The following LRRFIP2 variants were observed in gnomAD, a reference collection of about 807,000 sequenced individuals.
LRRFIP2 encodes leucine-rich repeat flightless-interacting protein 2.
Under a neutral mutation model 125.9 loss-of-function variants are expected in LRRFIP2, and 109 were observed. The ratio of observed to expected loss-of-function variants is 0.87; its 90% CI spans 0.74 to 1.01. The LOEUF is 1.01. LRRFIP2 is among the 50% of genes least tolerant of loss of function. The pLI, the probability that LRRFIP2 is intolerant of heterozygous loss-of-function variation, is 0.00. For synonymous variants in LRRFIP2, 291 were observed against 293.1 expected (o/e 0.99, Z 0.07); for missense variants, 850 against 862.3 (o/e 0.99, Z 0.18).
intron 1 of LRRFIP2, among the ~76,000 whole-genome samples, chr3:37,167,361 C>A (rs1236771620): frequency 1.3e-5 from 2 of 151,818 alleles, no homozygotes. Context: ...GAAAACAGGG[C>A]CAGGCACAAG....
intron 2 of LRRFIP2, among the ~76,000 whole-genome samples, chr3:37,130,636 G>C (rs1038196540): frequency 3.9e-5 from 6 of 152,186 alleles, no homozygotes; most frequent in African/African-American, 1.4e-4. Flanking sequence ...TGAGTAGTAT[G>C]ATAAAATCTC....
At chr3:37,106,310 A>C (rs894873945) in intron 13 of LRRFIP2, among the ~76,000 whole-genome samples, 1 of 152,228 alleles carries the variant, frequency 6.6e-6, no homozygotes, top group African/African-American at 2.4e-5. Flanking sequence ...CTATGCAGCT[A>C]GTGGAGATGT....
At chr3:37,085,629 T>G (rs538858085) in intron 18 of LRRFIP2, among the ~76,000 whole-genome samples, 85 of 150,480 alleles carry the variant, frequency 5.6e-4, no homozygotes, top group African/African-American at 1.9e-3. Flanking sequence ...TTGCCCGGGC[T>G]GGAGTGCAAT....
intron 1 of LRRFIP2, among the ~76,000 whole-genome samples, chr3:37,153,982 G>C (rs1460052144): frequency 7.0e-6 from 1 of 142,296 alleles, no homozygotes; most frequent in Non-Finnish European, 1.5e-5. Flanking sequence ...AAAATGACCA[G>C]ACTAGGCAAC....
intron 18 of LRRFIP2, among the ~76,000 whole-genome samples, chr3:37,084,794 G>A (rs534647894): frequency 3.3e-5 from 5 of 152,012 alleles, no homozygotes; most frequent in African/African-American, 9.6e-5. Context: ...TAGCTTACAT[G>A]TTTTTTTGTG....
chr3:37,105,385 G>C, intron 14 of LRRFIP2, 70 bp downstream of exon 14: 1 of 1,257,956 alleles, frequency 7.9e-7, no homozygotes, highest in Non-Finnish European at 1.2e-6. Flanking sequence ...CTTTCCAACA[G>C]ACTTCATGTG....
At chr3:37,069,642 G>A (rs889535469) in intron 21 of LRRFIP2, among the ~76,000 whole-genome samples, 1 of 152,102 alleles carries the variant, frequency 6.6e-6, no homozygotes, top group African/African-American at 2.4e-5. Flanking sequence ...GGTGACAGTA[G>A]CACAACAACA....
At chr3:37,102,886 G>A (rs1475060883) in intron 15 of LRRFIP2, 38 bp downstream of exon 15, 4 of 1,345,340 alleles carry the variant, frequency 3.0e-6, no homozygotes, top group Middle Eastern at 3.6e-4. Context: ...TCACAAGCCT[G>A]GGACAACATA....
chr3:37,157,767 T>C (rs542467146), intron 1 of LRRFIP2, among the ~76,000 whole-genome samples: 2 of 152,080 alleles, frequency 1.3e-5, no homozygotes, highest in Admixed American at 6.5e-5. Context: ...GAAAGGCAAA[T>C]GCTAAACACA....
intron 7 of LRRFIP2, among the ~76,000 whole-genome samples, chr3:37,114,040 G>C (rs908696518): frequency 1.2e-4 from 19 of 152,016 alleles, no homozygotes; most frequent in African/African-American, 4.1e-4. Flanking sequence ...AAAGGCAACA[G>C]ACTGCTCTAG....
chr3:37,131,619 T>C (rs1203111485), intron 2 of LRRFIP2, among the ~76,000 whole-genome samples: 1 of 152,240 alleles, frequency 6.6e-6, no homozygotes, highest in Non-Finnish European at 1.5e-5. Context: ...CTGATAACTA[T>C]AGTTGTTGTC....
At chr3:37,146,952 T>C (rs959235019) in intron 2 of LRRFIP2, among the ~76,000 whole-genome samples, 1 of 152,162 alleles carries the variant, frequency 6.6e-6, no homozygotes, top group African/African-American at 2.4e-5. Context: ...GAGAAAATTT[T>C]TGCAATCTAT....
intron 19 of LRRFIP2, among the ~76,000 whole-genome samples, chr3:37,082,193 A>C (rs1287214558): frequency 6.6e-6 from 1 of 152,160 alleles, no homozygotes; most frequent in Non-Finnish European, 1.5e-5. Context: ...CAGAGGCTCT[A>C]GGAAAAGCAT....
chr3:37,166,561 A>T (rs150061777), intron 1 of LRRFIP2, among the ~76,000 whole-genome samples: 26 of 152,294 alleles, frequency 1.7e-4, no homozygotes, highest in African/African-American at 6.3e-4. Context: ...AAATGGTCAC[A>T]TGAAAAGATG....
intron 2 of LRRFIP2, among the ~76,000 whole-genome samples, chr3:37,139,524 G>C (rs4678938): frequency 0.42 from 63,390 of 151,792 alleles, 13,830 homozygotes; most frequent in Non-Finnish European, 0.46. Context: ...GAAGGCATTC[G>C]CTTCACACCC....
chr3:37,107,423 A>G (rs2094382663), intron 13 of LRRFIP2, among the ~76,000 whole-genome samples: 1 of 152,194 alleles, frequency 6.6e-6, no homozygotes, highest in South Asian at 2.1e-4. Context: ...GAGGAGCAGT[A>G]TGTAATATGA....
rs191333526 is a variant in LRRFIP2 at position 37,099,256 on chromosome 3, A to G, written c.874-2596T>C. On this transcript the variant is annotated intron_variant, in intron 15 of 27. Coordinates refer to ENST00000336686, the MANE Select transcript of LRRFIP2 (RefSeq NM_006309.4). ...TGTGCTATCTTCCATTTAGACAAAA[A>G]CCTAGCTGAAACTTGGTATTCTAAA... Among the ~76,000 whole-genome samples the G allele has an allele frequency of 7.7e-4, 118 of 152,272 alleles. 1 individual carries two copies. Among genetic ancestry groups the G allele is most frequent in the South Asian group, 1.4e-3 (7 of 4,828 alleles).
chr3:37,066,337 T>G lies in LRRFIP2; in HGVS notation c.1465-12A>C. The G allele has an allele frequency of 6.2e-7, 1 of 1,605,856 alleles. No individual in the cohort carries two copies. Among genetic ancestry groups the G allele is most frequent in the Non-Finnish European group, 8.5e-7 (1 of 1,172,664 alleles). ...TGTTTCTCTAGGGCCTGGTTTTAGGTAAGGTAGCAAGGGAAACAATGGCAC... is the reference window on the plus strand; with the variant it reads ...TGTTTCTCTAGGGCCTGGTTTTAGGGAAGGTAGCAAGGGAAACAATGGCAC... On this transcript the variant is annotated splice_polypyrimidine_tract_variant and intron_variant, in intron 21 of 27. Coordinates refer to ENST00000336686, the MANE Select transcript of LRRFIP2 (RefSeq NM_006309.4).
At chr3:37,115,559 CTT>C (rs1321335358) in intron 6 of LRRFIP2, among the ~76,000 whole-genome samples, 1 of 152,164 alleles carries the variant, frequency 6.6e-6, no homozygotes, top group Non-Finnish European at 1.5e-5. Context: ...CATGGTCAAG[CTT>C]ACAAAAGAAC....
Sources: allele counts gnomAD v4.1 joint callset (sites outside exome capture counted in the v4.1 genomes callset), GRCh38; gene constraint gnomAD v4.1.1; transcripts MANE v1.5; gene names NCBI Gene and HGNC (gene_info 2026-07-23, HGNC 2026-07-21).